The following PHACTR2 variants were observed in gnomAD, a reference collection of about 807,000 sequenced individuals.
The protein encoded by PHACTR2 is phosphatase and actin regulator 2, also known as chromosome 6 open reading frame 56.
PHACTR2 carries 30 observed loss-of-function variants against 76.0 expected under a neutral mutation model. The ratio of observed to expected loss-of-function variants is 0.39; its 90% CI spans 0.30 to 0.54. The LOEUF is 0.54. Among genes scored for constraint, PHACTR2 ranks in the 20% least tolerant of loss-of-function variants. PHACTR2 has a pLI of 0.61. For missense variants in PHACTR2, 696 were observed against 781.1 expected, an observed-to-expected ratio of 0.89 and a Z score of 1.30; for synonymous variants, 292 against 292.5, an observed-to-expected ratio of 1.00 and a Z score of 0.02.
intron 5 of PHACTR2, among the ~76,000 whole-genome samples, chr6:143,763,251 T>G (rs1203494350): frequency 1.3e-5 from 2 of 151,868 alleles, no homozygotes; most frequent in Non-Finnish European, 2.9e-5. Context: ...CCCAACTATT[T>G]GGGAGACTGA....
Position 143,700,569 on chromosome 6 carries a change from AG to A in PHACTR2, c.47-11440del, listed in dbSNP as rs1013475717. 1.3e-5 allele frequency among the ~76,000 whole-genome samples: 2 copies of A among 151,910 alleles called. No homozygotes were observed. Among genetic ancestry groups the A allele is most frequent in the African/African-American group, 4.8e-5 (2 of 41,346 alleles). On this transcript the variant is annotated intron_variant, in intron 1 of 12. Coordinates refer to ENST00000440869, the MANE Select transcript of PHACTR2 (RefSeq NM_001100164.2). This position sits in a 1 kb window ranked among gnomAD's most constrained non-coding sequence, Gnocchi z 4.1. ...ACTCCATTGATTGGGGGCAGTGGGG[AG>A]GGGGGGCGAGAGGAGAACTGTGATA...
Position 143,599,134 on chromosome 6 carries a change from A to G in PHACTR2, c.217+61927A>G, listed in dbSNP as rs13197921. 1.5e-4 allele frequency among the ~76,000 whole-genome samples: 23 copies of G among 152,256 alleles called. No individual in the cohort carries two copies. The highest frequency in any genetic ancestry group is 5.9e-5 in the Non-Finnish European group (4 of 68,018). On this transcript the variant is annotated intron_variant, in intron 1 of 11. Coordinates refer to the PHACTR2 transcript ENST00000367584. This position sits in a 1 kb window ranked among gnomAD's most constrained non-coding sequence, Gnocchi z 4.6. ...ATCTGAAAAATTGGGGTCACCTCCA[A>G]TTCTTTTTTCAATGAAGTCCTGGAT...
intron 1 of PHACTR2, among the ~76,000 whole-genome samples, chr6:143,643,049 G>T (rs1361061847): frequency 6.6e-6 from 1 of 152,078 alleles, no homozygotes; most frequent in Non-Finnish European, 1.5e-5. Context: ...TATATTTCAG[G>T]TAGTTTCATT....
intron 2 of PHACTR2, among the ~76,000 whole-genome samples, chr6:143,719,671 T>C (rs923585470): frequency 1.1e-4 from 16 of 150,944 alleles, no homozygotes; most frequent in Non-Finnish European, 2.1e-4. Context: ...TTATTTATCA[T>C]TCACCCTCAC....
intron 2 of PHACTR2, among the ~76,000 whole-genome samples, chr6:143,718,892 T>G (rs1170304891): frequency 1.3e-5 from 2 of 149,700 alleles, no homozygotes; most frequent in Non-Finnish European, 3.0e-5. Flanking sequence ...TTTTTTTTTT[T>G]TTTTTTTGGA....
Position 143,641,536 on chromosome 6 carries a change from C to T in PHACTR2, c.13+33214C>T, listed in dbSNP as rs180977843. 9.1e-4 allele frequency among the ~76,000 whole-genome samples: 139 copies of T among 152,238 alleles called. No individual in the cohort carries two copies. The highest frequency in any genetic ancestry group is 3.0e-3 in the African/African-American group (125 of 41,552). On this transcript the variant is annotated intron_variant, in intron 1 of 11. Transcript: ENST00000305766. The surrounding 1 kb of genome is among the most constrained non-coding windows in gnomAD (Gnocchi z 5.8). ...TGTTGTTGTTTTTGAGACAGAGTTTCGCTCTTGTTACCCAGGCTGGAGTAC... is the reference window on the plus strand; with the variant it reads ...TGTTGTTGTTTTTGAGACAGAGTTTTGCTCTTGTTACCCAGGCTGGAGTAC...
intron 1 of PHACTR2, among the ~76,000 whole-genome samples, chr6:143,629,346 G>A (rs1396957094): frequency 6.6e-6 from 1 of 151,952 alleles, no homozygotes; most frequent in African/African-American, 2.4e-5. Flanking sequence ...TCCTTTCAGT[G>A]GTATTTTTAA....
rs1427388204 is a variant in PHACTR2, at chr6:143,819,980, G to A, written c.1923-3694G>A. Among the ~76,000 whole-genome samples the A allele has an allele frequency of 6.6e-6, 1 of 152,126 alleles. No individual in the cohort carries two copies. Among genetic ancestry groups the A allele is most frequent in the Admixed American group, 6.5e-5 (1 of 15,272 alleles). On this transcript the variant is annotated intron_variant, in intron 12 of 12. Transcript: ENST00000440869. This position sits in a 1 kb window ranked among gnomAD's most constrained non-coding sequence, Gnocchi z 5.0. ...GAGGCCTCAGAAAGCCTCCAATCAC[G>A]GCAGAAAGCGAAGGGGGAGCAGGCA...
At chr6:143,812,467 G>A (rs1162893064) in intron 12 of PHACTR2, among the ~76,000 whole-genome samples, 1 of 152,106 alleles carries the variant, frequency 6.6e-6, no homozygotes. Context: ...CACTGAGGGG[G>A]TACCTCTGAT....
In PHACTR2 at chr6:143,578,884, C is replaced by T. The variant is rs545086090; in HGVS notation, c.217+41677C>T. 7.2e-4 allele frequency among the ~76,000 whole-genome samples: 106 copies of T among 148,198 alleles called. No individual in the cohort carries two copies. Among genetic ancestry groups the T allele is most frequent in the African/African-American group, 2.6e-3 (103 of 40,072 alleles). On this transcript the variant is annotated intron_variant, in intron 1 of 11. Transcript: ENST00000367584. The surrounding 1 kb of genome is among the most constrained non-coding windows in gnomAD (Gnocchi z 4.5). The stretch of plus-strand genomic sequence containing the variant: ...TGTTTTTACCCATATCCCCTCTACC[C>T]TCATAATCCTGCCCCCAAAACTTTT...
chr6:143,557,192 A>AATC lies in PHACTR2; in HGVS notation c.217+19996_217+19998dup, dbSNP rs1775191142. 6.6e-6 allele frequency among the ~76,000 whole-genome samples: 1 copy of AATC among 152,234 alleles called. No homozygotes were observed. Among genetic ancestry groups the AATC allele is most frequent in the Admixed American group, 6.5e-5 (1 of 15,284 alleles). ...CATTATTTTGCAAGTAAGTTACTTT[A>AATC]ATCATCATCATCACTAGTATTGCAG... On this transcript the variant is annotated intron_variant, in intron 1 of 11. Coordinates refer to the PHACTR2 transcript ENST00000367584. This position sits in a 1 kb window ranked among gnomAD's most constrained non-coding sequence, Gnocchi z 5.5.
Position 143,698,485 on chromosome 6 carries a change from T to C in PHACTR2, c.47-13531T>C, listed in dbSNP as rs1318486722. Among the ~76,000 whole-genome samples the C allele has an allele frequency of 6.6e-6, 1 of 152,224 alleles. No homozygotes were observed. The highest frequency in any genetic ancestry group is 1.9e-4 in the East Asian group (1 of 5,202). The stretch of plus-strand genomic sequence containing the variant: ...TAAATGGTTTCCTGTTTAATTTGCA[T>C]AGGATATTTCTACCTTTTAGGCAAT... On this transcript the variant is annotated intron_variant, in intron 1 of 12. Coordinates refer to ENST00000440869, the MANE Select transcript of PHACTR2 (RefSeq NM_001100164.2). This position sits in a 1 kb window ranked among gnomAD's most constrained non-coding sequence, Gnocchi z 4.3.
intron 2 of PHACTR2, among the ~76,000 whole-genome samples, chr6:143,717,469 G>A (rs1452155097): frequency 6.6e-6 from 1 of 151,896 alleles, no homozygotes; most frequent in African/African-American, 2.4e-5. Context: ...GGTTCTTTAT[G>A]TAATAACATA....
chr6:143,677,715 T>C (rs1476951031), upstream of PHACTR2, among the ~76,000 whole-genome samples: 1 of 152,356 alleles, frequency 6.6e-6, no homozygotes, highest in Admixed American at 6.5e-5. Context: ...AATACTTTAA[T>C]TCCTTTTCTT....
Position 143,537,561 on chromosome 6 carries a change from C to T in PHACTR2, c.217+354C>T, listed in dbSNP as rs189389974. Among the ~76,000 whole-genome samples, 1 of 152,296 alleles carries T rather than the reference C, an allele frequency of 6.6e-6. No homozygotes were observed. The highest frequency in any genetic ancestry group is 6.5e-5 in the Admixed American group (1 of 15,302). ...TTTCCATCAGAAAGAGGAACATTCT[C>T]GGTCTTCGGCGCGACTTTGGTCCCT... is the stretch of plus-strand genomic sequence containing the variant. On this transcript the variant is annotated intron_variant, in intron 1 of 11. Transcript: ENST00000367584. This position sits in a 1 kb window ranked among gnomAD's most constrained non-coding sequence, Gnocchi z 4.4.
At position 143,767,849 on chromosome 6, in the gene PHACTR2, G is replaced by GT. The variant is rs1779593190; in HGVS notation, c.1232+2057dup. ...GAAGGTTTTTGTTTTGTTTTGTTTT[G>GT]TTTTTTGAGACAGAATCTTGCACTG... is the stretch of plus-strand genomic sequence containing the variant. On this transcript the variant is annotated intron_variant, in intron 6 of 12. Coordinates refer to ENST00000440869, the MANE Select transcript of PHACTR2 (RefSeq NM_001100164.2). The surrounding 1 kb of genome is among the most constrained non-coding windows in gnomAD (Gnocchi z 4.4). Among the ~76,000 whole-genome samples the GT allele has an allele frequency of 6.6e-6, 1 of 151,920 alleles. No homozygotes were observed. Among genetic ancestry groups the GT allele is most frequent in the Non-Finnish European group, 1.5e-5 (1 of 67,986 alleles).
At position 143,801,976 on chromosome 6, in the gene PHACTR2, G is replaced by C. The variant is rs1008506127; in HGVS notation, c.1846-5081G>C. Among the ~76,000 whole-genome samples the C allele has an allele frequency of 6.6e-5, 10 of 152,056 alleles. No homozygotes were observed. The highest frequency in any genetic ancestry group is 2.2e-4 in the African/African-American group (9 of 41,386). On this transcript the variant is annotated intron_variant, in intron 11 of 12. Transcript: ENST00000440869. This position sits in a 1 kb window ranked among gnomAD's most constrained non-coding sequence, Gnocchi z 4.6. The stretch of plus-strand genomic sequence containing the variant: ...TAGGCCCCTCAGCTGCAGGTCTGTT[G>C]GAGTTTACTGGAGGTCCACTCCAGG...
chr6:143,771,192 GTGTATATATATA>G (rs1389423886), intron 6 of PHACTR2, among the ~76,000 whole-genome samples: 17 of 16,618 alleles, frequency 1.0e-3, no homozygotes, highest in African/African-American at 5.7e-3. Context: ...ATATATATGT[GTGTATATATATA>G]TATATATATA....
intron 1 of PHACTR2, among the ~76,000 whole-genome samples, chr6:143,660,829 A>G (rs73778651): frequency 0.018 from 2,785 of 152,346 alleles, 87 homozygotes; most frequent in African/African-American, 0.062. Flanking sequence ...TACAGGCCAG[A>G]TATTGAGAGT....
Sources: gnomAD v4.1 joint callset for allele counts (sites outside exome capture counted in the v4.1 genomes callset) on GRCh38, gnomAD v4.1.1 for gene constraint, Gnocchi (gnomAD v3.1) non-coding constraint, MANE v1.5 for transcripts, NCBI Gene and HGNC (gene_info 2026-07-23, HGNC 2026-07-21) for gene names.